Variants in FSTL4 observed in about 807,000 individuals in gnomAD.
FSTL4 encodes follistatin like 4, also known as follistatin-related protein 4.
A neutral mutation model predicts 78.2 loss-of-function variants in FSTL4; 28 were observed. The observed-to-expected ratio is 0.36, with a 90% confidence interval of 0.27 to 0.49. FSTL4 has a LOEUF of 0.49. Ranked by LOEUF, FSTL4 falls within the 20% of genes least tolerant of loss-of-function variation. FSTL4 has a pLI of 0.98. For synonymous variants in FSTL4, 422 were observed against 440.5 expected (o/e 0.96, Z 0.53); for missense variants, 922 against 1,084.9 (o/e 0.85, Z 2.11).
At chr5:133,755,182 G>A in the FSTL4 span, among the ~76,000 whole-genome samples, 1 of 152,080 alleles carries the variant, frequency 6.6e-6, no homozygotes, top group Non-Finnish European at 1.5e-5. Flanking sequence ...TTCTTTCTAA[G>A]TTTCCATGAC....
intron 2 of FSTL4, among the ~76,000 whole-genome samples, chr5:133,581,157 T>C (rs1482135494): frequency 6.6e-6 from 1 of 152,158 alleles, no homozygotes; most frequent in African/African-American, 2.4e-5. Context: ...ATTAAATGAG[T>C]TATATTTAAT....
rs995070314 is a variant in FSTL4 at position 133,346,207 on chromosome 5, A to G, written c.410-29555T>C. On this transcript the variant is annotated intron_variant, in intron 4 of 15. Coordinates refer to ENST00000265342, the MANE Select transcript of FSTL4 (RefSeq NM_015082.2). ...AGTTGAACAATGGGAACACATGGAT[A>G]GAGGGAGGGGAATATCACACACTGC... Among the ~76,000 whole-genome samples, 5 of 152,110 alleles carry G rather than the reference A, an allele frequency of 3.3e-5. No homozygotes were observed. In the East Asian group the frequency reaches 7.7e-4, roughly 23 times the overall value.
chr5:133,631,999 G>C, the FSTL4 span, among the ~76,000 whole-genome samples: 66,344 of 151,736 alleles, frequency 0.44, 14,670 homozygotes, highest in South Asian at 0.53. Context: ...GGTCTGTTGT[G>C]GGGTGGGGGT....
intron 3 of FSTL4, among the ~76,000 whole-genome samples, chr5:133,466,243 G>C (rs1328047605): frequency 6.6e-6 from 1 of 152,170 alleles, no homozygotes; most frequent in African/African-American, 2.4e-5. Context: ...AGAATTCCTT[G>C]GGACAAGAAC....
intron 4 of FSTL4, among the ~76,000 whole-genome samples, chr5:133,342,813 C>A (rs577146310): frequency 1.3e-5 from 2 of 152,334 alleles, no homozygotes; most frequent in South Asian, 2.1e-4. Flanking sequence ...TTTGTGCATA[C>A]CCCCTTGGTC....
chr5:133,834,518 G>T, the FSTL4 span, among the ~76,000 whole-genome samples: 350 of 151,572 alleles, frequency 2.3e-3, 1 homozygote, highest in African/African-American at 8.3e-3. Flanking sequence ...TGTGGGGGGT[G>T]GGGGGAGTAA....
intron 3 of FSTL4, among the ~76,000 whole-genome samples, chr5:133,464,436 G>T (rs116143157): frequency 1.0e-3 from 157 of 152,308 alleles, no homozygotes; most frequent in African/African-American, 3.6e-3. Flanking sequence ...GGCTTAAAAG[G>T]TTCCAGTTGT....
intron 6 of FSTL4, among the ~76,000 whole-genome samples, chr5:133,293,160 C>T (rs1172660738): frequency 6.6e-6 from 1 of 152,238 alleles, no homozygotes; most frequent in Non-Finnish European, 1.5e-5. Flanking sequence ...AGGCAGGCGG[C>T]CATCTTGGCC....
Position 133,213,159 on chromosome 5 carries a change from C to T in FSTL4, c.1609-2861G>A, listed in dbSNP as rs140086858. Among the ~76,000 whole-genome samples, 810 of 152,114 alleles carry T rather than the reference C, an allele frequency of 5.3e-3. 8 individuals carry two copies. Among genetic ancestry groups the T allele is most frequent in the African/African-American group, 0.018 (730 of 41,496 alleles). On this transcript the variant is annotated intron_variant, in intron 13 of 15. Coordinates refer to ENST00000265342, the MANE Select transcript of FSTL4 (RefSeq NM_015082.2). ...CTGGGATTATAGGCCTGCACCACCA[C>T]GCCCAGCTAATTTTTGTATTTTTAG...
chr5:133,486,843 G>A (rs1024093445), intron 3 of FSTL4, among the ~76,000 whole-genome samples: 1 of 152,124 alleles, frequency 6.6e-6, no homozygotes, highest in Non-Finnish European at 1.5e-5. Flanking sequence ...CCACAAAACA[G>A]AGCAAAGTAG....
chr5:133,648,680 G>T, the FSTL4 span, among the ~76,000 whole-genome samples: 1 of 152,200 alleles, frequency 6.6e-6, no homozygotes, highest in Non-Finnish European at 1.5e-5. Flanking sequence ...GGCAAAGAAA[G>T]GGACCCAGTG....
the FSTL4 span, among the ~76,000 whole-genome samples, chr5:133,624,086 CA>C: frequency 3.3e-5 from 5 of 152,044 alleles, no homozygotes; most frequent in East Asian, 9.6e-4. Context: ...TATGACCCAG[CA>C]ATTCCACCCC....
intron 4 of FSTL4, among the ~76,000 whole-genome samples, chr5:133,397,184 A>C (rs1187413176): frequency 1.3e-5 from 2 of 152,250 alleles, no homozygotes; most frequent in Non-Finnish European, 2.9e-5. Context: ...GCCAACTAAT[A>C]CACAAATAGG....
chr5:133,675,840 G>A, the FSTL4 span, among the ~76,000 whole-genome samples: 1 of 152,194 alleles, frequency 6.6e-6, no homozygotes, highest in Non-Finnish European at 1.5e-5. Flanking sequence ...ATTGCAGAAG[G>A]GCAGGAAGGA....
intron 3 of FSTL4, among the ~76,000 whole-genome samples, chr5:133,441,017 G>A (rs1757148717): frequency 6.6e-6 from 1 of 152,204 alleles, no homozygotes; most frequent in Non-Finnish European, 1.5e-5. Flanking sequence ...CAGTCTTGAT[G>A]TGGTTCCTCT....
At chr5:133,392,962 T>A (rs188762045) in intron 4 of FSTL4, among the ~76,000 whole-genome samples, 1 of 152,362 alleles carries the variant, frequency 6.6e-6, no homozygotes, top group Non-Finnish European at 1.5e-5. Flanking sequence ...CATGCCGAAC[T>A]GATAATATTC....
intron 6 of FSTL4, among the ~76,000 whole-genome samples, chr5:133,277,466 T>G (rs1480530143): frequency 1.3e-5 from 2 of 152,228 alleles, no homozygotes; most frequent in Non-Finnish European, 2.9e-5. Flanking sequence ...TCTTGTCTGC[T>G]TCATTGAGCT....
chr5:133,755,725 G>C, the FSTL4 span, among the ~76,000 whole-genome samples: 3 of 152,212 alleles, frequency 2.0e-5, no homozygotes, highest in Admixed American at 1.3e-4. Flanking sequence ...CTGTTTCTTA[G>C]CACTGGGAGC....
intron 12 of FSTL4, 116 bp from the exon 13 acceptor site, chr5:133,217,494 T>C (rs1044219916): frequency 3.1e-6 from 3 of 972,090 alleles, no homozygotes; most frequent in African/African-American, 1.6e-5. Flanking sequence ...TTAGAATCCT[T>C]TGGATCCATA....
Sources: allele counts gnomAD v4.1 joint callset (sites outside exome capture counted in the v4.1 genomes callset), GRCh38; gene constraint gnomAD v4.1.1; transcripts MANE v1.5; gene names NCBI Gene and HGNC (gene_info 2026-07-23, HGNC 2026-07-21).